SHF: variants seen among roughly 807,000 people sequenced by gnomAD.
The protein encoded by SHF is Src homology 2 domain containing F.
SHF carries 30 observed loss-of-function variants against 42.4 expected under a neutral mutation model. The observed-to-expected ratio is 0.71, with a 90% confidence interval of 0.53 to 0.96. The LOEUF is 0.96. SHF is among the 40% of genes least tolerant of loss of function. The pLI is 0.00. For synonymous variants in SHF, 264 were observed against 269.9 expected (o/e 0.98, Z 0.21); for missense variants, 598 against 634.0 (o/e 0.94, Z 0.61).
chr15:45,180,313 C>T (rs955252255), intron 1 of SHF, among the ~76,000 whole-genome samples: 2 of 152,326 alleles, frequency 1.3e-5, no homozygotes, highest in Admixed American at 6.5e-5. Flanking sequence ...CACCCCTACC[C>T]GCCCAAGCTG....
chr15:45,198,815 C>A (rs1293005392), exon 2 of SHF: 2 of 1,613,946 alleles, frequency 1.2e-6, no homozygotes, highest in Admixed American at 1.7e-5. Flanking sequence ...AATGCGCAGG[C>A]GCGTTGTACT....
chr15:45,198,666 T>C (rs1002953258), intron 2 of SHF: 4 of 1,440,950 alleles, frequency 2.8e-6, no homozygotes, highest in East Asian at 4.6e-5. Context: ...CTAACCACTA[T>C]ACGATCACGG....
intron 1 of SHF, among the ~76,000 whole-genome samples, chr15:45,185,414 C>G (rs893254530): frequency 1.2e-4 from 19 of 152,322 alleles, no homozygotes; most frequent in African/African-American, 4.1e-4. Context: ...TAGGGGAAGA[C>G]TCAGACCCCA....
intron 1 of SHF, among the ~76,000 whole-genome samples, chr15:45,182,473 G>T (rs1045433045): frequency 6.6e-6 from 1 of 152,190 alleles, no homozygotes; most frequent in East Asian, 1.9e-4. Flanking sequence ...TTAGCTCTGA[G>T]GATAATCTTT....
chr15:45,199,953 C>CAAAAAAAAAAAAAAAAAA (rs56982094), intron 1 of SHF: 1 of 59,500 alleles, frequency 1.7e-5, no homozygotes, highest in African/African-American at 5.6e-5. Context: ...GGCTCCATCT[C>CAAAAAAAAAAAAAAAAAA]AAAAAAAAAA....
At chr15:45,188,959 G>A (rs1898614930), upstream of SHF, among the ~76,000 whole-genome samples, 1 of 152,122 alleles carries the variant, frequency 6.6e-6, no homozygotes, top group Non-Finnish European at 1.5e-5. Context: ...TTGGGAGGCC[G>A]AAACGGGAGG....
intron 3 of SHF, among the ~76,000 whole-genome samples, chr15:45,174,950 G>A (rs1165584599): frequency 6.6e-6 from 1 of 152,182 alleles, no homozygotes; most frequent in African/African-American, 2.4e-5. Context: ...GTCCCCAAAA[G>A]AGAGAAGTAG....
upstream of SHF, among the ~76,000 whole-genome samples, chr15:45,188,521 C>T (rs577320362): frequency 5.3e-5 from 8 of 152,368 alleles, no homozygotes; most frequent in South Asian, 1.7e-3. Context: ...ACTGCACATA[C>T]CCGAACCTAC....
chr15:45,184,792 G>A lies in SHF; in HGVS notation c.498+2662C>T, dbSNP rs573218329. On this transcript the variant is annotated intron_variant, in intron 1 of 6. Coordinates refer to ENST00000690270, the MANE Select transcript of SHF (RefSeq NM_001394037.1). ...GGGGGCCAGACGAGGGCCCAGCACC[G>A]TGAAGCTCTTCCTCTGGCCAGATGG... Among the ~76,000 whole-genome samples, 81 of 152,376 alleles carry A rather than the reference G, an allele frequency of 5.3e-4. 3 individuals carry two copies. In the South Asian group the frequency reaches 0.015, roughly 28 times the overall value.
chr15:45,187,976 G>A, upstream of SHF: 7 of 1,147,542 alleles, frequency 6.1e-6, no homozygotes, highest in Non-Finnish European at 7.5e-6. Flanking sequence ...TGAGCGAGGG[G>A]AGCGCAGCGG....
intron 2 of SHF, among the ~76,000 whole-genome samples, chr15:45,176,134 T>G (rs1352820937): frequency 6.6e-6 from 1 of 152,222 alleles, no homozygotes; most frequent in South Asian, 2.1e-4. Flanking sequence ...AGTGATATCA[T>G]TTGACAATCA....
At chr15:45,179,927 C>T (rs534075274) in intron 1 of SHF, among the ~76,000 whole-genome samples, 1 of 152,110 alleles carries the variant, frequency 6.6e-6, no homozygotes, top group African/African-American at 2.4e-5. Flanking sequence ...AAGAAAGGAA[C>T]CTCTTCACCT....
At chr15:45,200,182 C>T (rs1386448379) in intron 1 of SHF, 1 of 154,082 alleles carries the variant, frequency 6.5e-6, no homozygotes, top group Non-Finnish European at 1.4e-5. Flanking sequence ...TACTACAACA[C>T]TTTTTAAACT....
chr15:45,177,411 A>C (rs1014411357), intron 2 of SHF, among the ~76,000 whole-genome samples: 14 of 152,210 alleles, frequency 9.2e-5, no homozygotes, highest in Non-Finnish European at 1.9e-4. Flanking sequence ...TTCTCTAATC[A>C]ACTTTATCAG....
chr15:45,189,118 A>G (rs938607090), upstream of SHF, among the ~76,000 whole-genome samples: 5 of 150,652 alleles, frequency 3.3e-5, no homozygotes, highest in East Asian at 2.0e-4. Flanking sequence ...GCTTGAACCC[A>G]GGAGGCAGAG....
chr15:45,172,062 C>T (rs1050630845), intron 5 of SHF, 60 bp from the exon 6 acceptor site: 5 of 1,613,720 alleles, frequency 3.1e-6, no homozygotes, highest in Non-Finnish European at 4.2e-6. Flanking sequence ...TCCAGGCCCA[C>T]CCATTGTGGG....
intron 2 of SHF, 33 bp from the exon 3 acceptor site, chr15:45,175,458 G>A: frequency 2.6e-6 from 4 of 1,552,828 alleles, no homozygotes; most frequent in Non-Finnish European, 3.5e-6. Context: ...GAAAGGTGAG[G>A]GTTCAGCCTT....
exon 2 of SHF, chr15:45,199,054 G>C (rs544905178): frequency 2.3e-5 from 36 of 1,597,080 alleles, no homozygotes; most frequent in South Asian, 1.8e-4. Flanking sequence ...CGCTCCTCAC[G>C]GGTCCTCCCT....
chr15:45,188,270 C>G (rs927521607), upstream of SHF, among the ~76,000 whole-genome samples: 1 of 152,218 alleles, frequency 6.6e-6, no homozygotes, highest in Non-Finnish European at 1.5e-5. Flanking sequence ...CCCATCTGTT[C>G]TTTTCCCCAG....
Sources: allele counts gnomAD v4.1 joint callset (sites outside exome capture counted in the v4.1 genomes callset), GRCh38; gene constraint gnomAD v4.1.1; transcripts MANE v1.5; gene names NCBI Gene and HGNC (gene_info 2026-07-23, HGNC 2026-07-21).